Variants in FSTL4 observed in about 807,000 individuals in gnomAD.
The protein encoded by FSTL4 is follistatin like 4, also known as follistatin-related protein 4.
FSTL4 carries 28 observed loss-of-function variants against 78.2 expected under a neutral mutation model. The ratio of observed to expected loss-of-function variants is 0.36; its 90% CI spans 0.27 to 0.49. FSTL4 has a LOEUF of 0.49. Ranked by LOEUF, FSTL4 falls within the 20% of genes least tolerant of loss-of-function variation. FSTL4 has a pLI of 0.98. For synonymous variants in FSTL4, 422 were observed against 440.5 expected (o/e 0.96, Z 0.53); for missense variants, 922 against 1,084.9 (o/e 0.85, Z 2.11).
intron 6 of FSTL4, among the ~76,000 whole-genome samples, chr5:133,262,610 G>T (rs1462845807): frequency 6.6e-6 from 1 of 152,188 alleles, no homozygotes; most frequent in East Asian, 1.9e-4. Flanking sequence ...GCCTGTCTCT[G>T]GTCTTTGCTG....
At chr5:133,370,285 T>C (rs1375683379) in intron 4 of FSTL4, among the ~76,000 whole-genome samples, 2 of 152,048 alleles carry the variant, frequency 1.3e-5, no homozygotes, top group Non-Finnish European at 2.9e-5. Flanking sequence ...GCAGCTGTGG[T>C]TGGCAGGCTG....
chr5:133,555,770 G>A (rs1273081259), intron 3 of FSTL4, among the ~76,000 whole-genome samples: 1 of 152,114 alleles, frequency 6.6e-6, no homozygotes, highest in East Asian at 1.9e-4. Context: ...CGTCCCCTCT[G>A]AGCCACAGGA....
the FSTL4 span, among the ~76,000 whole-genome samples, chr5:133,693,063 T>C: frequency 0.02 from 3,042 of 152,348 alleles, 87 homozygotes; most frequent in African/African-American, 0.067. Flanking sequence ...ATAAATGCTT[T>C]TTGAATGAGT....
chr5:133,267,103 C>A (rs540135605), intron 6 of FSTL4, among the ~76,000 whole-genome samples: 1 of 152,226 alleles, frequency 6.6e-6, no homozygotes, highest in African/African-American at 2.4e-5. Context: ...CCACTTTTCC[C>A]GGGAGGAGGA....
At chr5:133,618,032 G>T in the FSTL4 span, among the ~76,000 whole-genome samples, 1 of 152,154 alleles carries the variant, frequency 6.6e-6, no homozygotes, top group Non-Finnish European at 1.5e-5. Flanking sequence ...GTTATCCACG[G>T]GGATATGTTC....
At chr5:133,810,762 G>A in the FSTL4 span, among the ~76,000 whole-genome samples, 12 of 152,118 alleles carry the variant, frequency 7.9e-5, no homozygotes, top group East Asian at 3.9e-4. Context: ...ATGCAAATGG[G>A]GTCTTTGCCC....
At chr5:133,549,611 A>G (rs1196695474) in intron 3 of FSTL4, among the ~76,000 whole-genome samples, 1 of 146,526 alleles carries the variant, frequency 6.8e-6, no homozygotes, top group South Asian at 2.3e-4. Context: ...CTGGGAGCTC[A>G]TATTCCTTGG....
chr5:133,680,381 G>C, the FSTL4 span, among the ~76,000 whole-genome samples: 1 of 152,148 alleles, frequency 6.6e-6, no homozygotes, highest in Non-Finnish European at 1.5e-5. Context: ...ACCTGAGCCA[G>C]CTCCAAACAC....
intron 3 of FSTL4, among the ~76,000 whole-genome samples, chr5:133,456,757 T>A (rs11950335): frequency 0.017 from 2,663 of 152,206 alleles, 73 homozygotes; most frequent in African/African-American, 0.059. Flanking sequence ...CACATAAGCA[T>A]GCAATTTTCT....
the FSTL4 span, among the ~76,000 whole-genome samples, chr5:133,778,360 T>G: frequency 6.6e-6 from 1 of 152,326 alleles, no homozygotes; most frequent in South Asian, 2.1e-4. Context: ...AAATGTCCCT[T>G]GGGGACCTGA....
At chr5:133,641,684 T>C in the FSTL4 span, among the ~76,000 whole-genome samples, 5 of 152,184 alleles carry the variant, frequency 3.3e-5, no homozygotes, top group Non-Finnish European at 5.9e-5. Flanking sequence ...AGGAAATTGT[T>C]TGAATTTGTA....
At chr5:133,739,539 T>C in the FSTL4 span, among the ~76,000 whole-genome samples, 1 of 152,060 alleles carries the variant, frequency 6.6e-6, no homozygotes, top group Non-Finnish European at 1.5e-5. Context: ...CTGAGATGAG[T>C]AGAAATCATG....
the FSTL4 span, among the ~76,000 whole-genome samples, chr5:133,783,391 C>G: frequency 2.4e-3 from 360 of 152,310 alleles, 2 homozygotes; most frequent in Middle Eastern, 0.014. Flanking sequence ...TTTGTCCCAG[C>G]ATAATTATTA....
At chr5:133,346,920 A>G (rs1479823354) in intron 4 of FSTL4, among the ~76,000 whole-genome samples, 1 of 152,156 alleles carries the variant, frequency 6.6e-6, no homozygotes, top group Non-Finnish European at 1.5e-5. Context: ...TTAATTTCCA[A>G]GAAATACTTC....
At chr5:133,728,757 G>A in the FSTL4 span, among the ~76,000 whole-genome samples, 542 of 152,182 alleles carry the variant, frequency 3.6e-3, no homozygotes, top group Non-Finnish European at 6.2e-3. Flanking sequence ...AAGAGGTAGG[G>A]AGAGTATCAG....
chr5:133,839,044 G>A, the FSTL4 span, among the ~76,000 whole-genome samples: 27 of 152,272 alleles, frequency 1.8e-4, no homozygotes, highest in East Asian at 4.6e-3. Context: ...TCCCCTCTCC[G>A]ATAACTCGGA....
chr5:133,233,688 G>C (rs1447843863), intron 7 of FSTL4, 151 bp from the exon 8 acceptor site: 3 of 849,918 alleles, frequency 3.5e-6, no homozygotes, highest in Admixed American at 2.6e-5. Flanking sequence ...GCAGGGGTGA[G>C]CCGTCCTGGG....
chr5:133,650,341 A>G, the FSTL4 span, among the ~76,000 whole-genome samples: 1 of 152,168 alleles, frequency 6.6e-6, no homozygotes. Flanking sequence ...TGTGCCTTTG[A>G]TGTTATATCT....
chr5:133,714,916 T>C, the FSTL4 span, among the ~76,000 whole-genome samples: 1 of 152,256 alleles, frequency 6.6e-6, no homozygotes, highest in Non-Finnish European at 1.5e-5. Flanking sequence ...ATGAGACTTA[T>C]GCACCAGCTG....
Sources: gnomAD v4.1 joint callset for allele counts (sites outside exome capture counted in the v4.1 genomes callset) on GRCh38, gnomAD v4.1.1 for gene constraint, MANE v1.5 for transcripts, NCBI Gene and HGNC (gene_info 2026-07-23, HGNC 2026-07-21) for gene names.